Variants in SETD5 observed in about 807,000 individuals in gnomAD.
SETD5 encodes the protein histone-lysine N-methyltransferase SETD5.
Under a neutral mutation model 153.3 loss-of-function variants are expected in SETD5, and 44 were observed. That is an observed-to-expected ratio of 0.29 (90% CI 0.23 to 0.37). The LOEUF (loss-of-function observed/expected upper bound fraction) is 0.37, where lower values mean the gene tolerates loss of function less well. Among genes scored for constraint, SETD5 ranks in the 10% least tolerant of loss-of-function variants. SETD5 has a pLI of 1.00. For missense variants in SETD5, 1,544 were observed against 1,768.0 expected (o/e 0.87, Z 2.27); for synonymous variants, 716 against 645.2 (o/e 1.11, Z -1.66).
intron 16 of SETD5, among the ~76,000 whole-genome samples, chr3:9,452,366 C>T (rs903471586): frequency 6.6e-6 from 1 of 152,182 alleles, no homozygotes; most frequent in African/African-American, 2.4e-5. Flanking sequence ...GTGCTTTGGA[C>T]AAGATGACTT....
chr3:9,435,939 T>A (rs1211811544), intron 7 of SETD5, 33 bp downstream of exon 7: 1 of 1,525,700 alleles, frequency 6.6e-7, no homozygotes, highest in Admixed American at 2.2e-5. Context: ...AAATAGAAAT[T>A]GTCTGAAATA....
intron 2 of SETD5, among the ~76,000 whole-genome samples, chr3:9,426,670 G>A (rs1257631589): frequency 6.6e-6 from 1 of 152,080 alleles, no homozygotes; most frequent in Non-Finnish European, 1.5e-5. Flanking sequence ...TGGGATTACA[G>A]GTGTGAGCCA....
rs756999400 is a variant in SETD5, at chr3:9,442,255, C to G, written c.1077+10C>G. On this transcript the variant is annotated intron_variant, in intron 10 of 22. Transcript: ENST00000402198. ...TACACCAAATGCAGAGGTAAGATAT[C>G]TGTAGCAACTTCCCTTTGACTGGAA... The G allele has an allele frequency of 3.2e-6, 5 of 1,559,506 alleles. No homozygotes were observed. The Admixed American group carries it at 8.5e-5, about 26-fold the overall frequency.
intron 2 of SETD5, among the ~76,000 whole-genome samples, chr3:9,426,798 A>G (rs986459909): frequency 6.6e-6 from 1 of 152,146 alleles, no homozygotes; most frequent in African/African-American, 2.4e-5. Flanking sequence ...TCAGCCTCCC[A>G]AAGTGCTGGG....
chr3:9,449,835 C>T (rs957874102), intron 16 of SETD5, among the ~76,000 whole-genome samples: 1 of 152,120 alleles, frequency 6.6e-6, no homozygotes, highest in Non-Finnish European at 1.5e-5. Context: ...TTGGTTTGTT[C>T]GGGGAAACGC....
chr3:9,453,650 A>G, intron 16 of SETD5, 89 bp from the exon 17 acceptor site: 1 of 1,263,326 alleles, frequency 7.9e-7, no homozygotes, highest in Non-Finnish European at 1.1e-6. Context: ...GTTGAATTGT[A>G]TCACTCACCA....
rs79402583 is a variant in SETD5 at position 9,476,955 on chromosome 3, G to T, written c.*864G>T. On this transcript the variant is annotated 3_prime_UTR_variant, in exon 23 of 23. Coordinates refer to ENST00000402198, the MANE Select transcript of SETD5 (RefSeq NM_001080517.3). ...AATAAATTTCATTAGGAAGGATACC[G>T]AGTGGTTTGGGAATGCTTCGAATTT... 6.5e-6 allele frequency: 1 copy of T among 152,764 alleles called. No homozygotes were observed. Among genetic ancestry groups the T allele is most frequent in the East Asian group, 1.9e-4 (1 of 5,188 alleles). The allele number at this position is 152,764 out of a possible 1,614,324, so 9.5% of individuals were successfully genotyped here.
At chr3:9,426,251 T>TTTTTTTG (rs1468053711) in intron 2 of SETD5, 2 of 136,058 alleles carry the variant, frequency 1.5e-5, no homozygotes, top group Admixed American at 8.4e-5. Flanking sequence ...TTTTTTTTTT[T>TTTTTTTG]TGGCAACAGG....
rs150944122 is a variant in SETD5, at chr3:9,418,169, C to T, written c.-176-6298C>T. On this transcript the variant is annotated intron_variant, in intron 1 of 22. Coordinates refer to ENST00000402198, the MANE Select transcript of SETD5 (RefSeq NM_001080517.3). Reference sequence around the variant, plus strand: ...TTCACCGTGTTAGCCACGATGGTCTCGATCTCCTGACCTTGTGATCCTCCC... The same window carrying T: ...TTCACCGTGTTAGCCACGATGGTCTTGATCTCCTGACCTTGTGATCCTCCC... 5.8e-3 allele frequency among the ~76,000 whole-genome samples: 875 copies of T among 151,186 alleles called. 4 individuals are homozygous for T. Among genetic ancestry groups the T allele is most frequent in the Non-Finnish European group, 9.9e-3 (671 of 67,894 alleles).
At chr3:9,444,996 A>G (rs1182024719) in intron 11 of SETD5, 52 bp from the exon 12 acceptor site, 2 of 1,580,592 alleles carry the variant, frequency 1.3e-6, no homozygotes, top group East Asian at 4.5e-5. Flanking sequence ...GGATAATGTA[A>G]CTGAATTTCA....
rs117075385 is a variant in SETD5, at chr3:9,438,393, A to G, written c.568-2063A>G. On this transcript the variant is annotated intron_variant, in intron 7 of 22. Transcript: ENST00000402198. The stretch of plus-strand genomic sequence containing the variant: ...AATGCTTTTCTCTTATCAAGCAACT[A>G]TCATAACTTATCTCCAGAAGCTCGA... 1.4e-3 allele frequency among the ~76,000 whole-genome samples: 211 copies of G among 152,298 alleles called. 7 individuals carry two copies. The East Asian group carries it at 0.025, about 18-fold the overall frequency.
chr3:9,469,595 T>G (rs1425291887), intron 18 of SETD5, among the ~76,000 whole-genome samples: 1 of 152,192 alleles, frequency 6.6e-6, no homozygotes, highest in Admixed American at 6.5e-5. Flanking sequence ...AGTAAAGCTC[T>G]CTCTCCTCAG....
intron 7 of SETD5, among the ~76,000 whole-genome samples, chr3:9,436,525 G>A (rs2040584967): frequency 6.6e-6 from 1 of 152,098 alleles, no homozygotes; most frequent in African/African-American, 2.4e-5. Context: ...TTTCAAAACT[G>A]GTAAATCTGC....
At chr3:9,448,078 A>C in intron 15 of SETD5, 72 bp downstream of exon 15, 1 of 1,449,222 alleles carries the variant, frequency 6.9e-7, no homozygotes, top group Non-Finnish European at 9.3e-7. Context: ...AGGACCTATA[A>C]TCCCTAGAAG....
In SETD5 at chr3:9,411,135, G is replaced by A. The variant is rs566908181; in HGVS notation, c.-177+13158G>A. ...AACTCCTAACTTCAGGTGAGCCACCGCACCTGGCCAAAATTCTCTCTCTTG... is the reference window on the plus strand; with the variant it reads ...AACTCCTAACTTCAGGTGAGCCACCACACCTGGCCAAAATTCTCTCTCTTG... On this transcript the variant is annotated intron_variant, in intron 1 of 22. Coordinates refer to ENST00000402198, the MANE Select transcript of SETD5 (RefSeq NM_001080517.3). Among the ~76,000 whole-genome samples the A allele has an allele frequency of 1.2e-4, 19 of 152,076 alleles. No individual in the cohort carries two copies. In the South Asian group the frequency reaches 2.7e-3, roughly 22 times the overall value.
chr3:9,457,786 T>C (rs1035695483), intron 17 of SETD5, among the ~76,000 whole-genome samples: 2 of 150,094 alleles, frequency 1.3e-5, no homozygotes, highest in African/African-American at 4.9e-5. Flanking sequence ...TTGATAAATT[T>C]CATGTTCATT....
chr3:9,443,296 C>T lies in SETD5; in HGVS notation c.1078-12C>T. ...CTTTATGAAAAATCCAACCAGAAGCCTTTTCACACAGGTGCGACACATGAT... is the reference window on the plus strand; with the variant it reads ...CTTTATGAAAAATCCAACCAGAAGCTTTTTCACACAGGTGCGACACATGAT... On this transcript the variant is annotated splice_polypyrimidine_tract_variant and intron_variant, in intron 10 of 22. Transcript: ENST00000402198. 6.5e-7 allele frequency: 1 copy of T among 1,546,212 alleles called. No individual in the cohort carries two copies. Among genetic ancestry groups the T allele is most frequent in the South Asian group, 1.2e-5 (1 of 83,174 alleles).
At chr3:9,411,587 T>C (rs940975469) in intron 1 of SETD5, among the ~76,000 whole-genome samples, 2 of 152,226 alleles carry the variant, frequency 1.3e-5, no homozygotes, top group African/African-American at 4.8e-5. Context: ...ATGAGTTTAA[T>C]TCTTTGGTCT....
intron 11 of SETD5, among the ~76,000 whole-genome samples, chr3:9,444,745 G>C (rs2041730041): frequency 6.6e-6 from 1 of 151,740 alleles, no homozygotes; most frequent in African/African-American, 2.4e-5. Context: ...AAAAAAATTA[G>C]CTGGGCGTGT....
Sources: gnomAD v4.1 joint callset for allele counts (sites outside exome capture counted in the v4.1 genomes callset) on GRCh38, gnomAD v4.1.1 for gene constraint, MANE v1.5 for transcripts, NCBI Gene and HGNC (gene_info 2026-07-23, HGNC 2026-07-21) for gene names.